UNC13B: variants seen among roughly 807,000 people sequenced by gnomAD.
The protein encoded by UNC13B is protein unc-13 homolog B.
In UNC13B, 144 loss-of-function variants were observed where a neutral mutation model predicts 211.0. That is an observed-to-expected ratio of 0.68 (90% CI 0.60 to 0.78). The LOEUF (loss-of-function observed/expected upper bound fraction) is 0.78. Among genes scored for constraint, UNC13B ranks in the 30% least tolerant of loss-of-function variants. The pLI is 0.00. For missense variants in UNC13B, 1,777 were observed against 2,002.0 expected (o/e 0.89, Z 2.14); for synonymous variants, 709 against 725.8 (o/e 0.98, Z 0.37).
At chr9:35,245,506 C>T (rs1240193449) in intron 6 of UNC13B, among the ~76,000 whole-genome samples, 1 of 125,716 alleles carries the variant, frequency 8.0e-6, no homozygotes, top group African/African-American at 2.9e-5. Flanking sequence ...CCCCTCCCCC[C>T]ACCCCACAAC....
chr9:35,171,556 C>T (rs1232343184), intron 1 of UNC13B, among the ~76,000 whole-genome samples: 2 of 152,112 alleles, frequency 1.3e-5, no homozygotes, highest in Non-Finnish European at 2.9e-5. Flanking sequence ...CATGTGCCAC[C>T]ACACCTGGCT....
In UNC13B at chr9:35,306,571, A is replaced by G. The variant is rs1829932959; in HGVS notation, c.7167A>G (p.Leu2389=). The G allele has an allele frequency of 2.5e-6, 1 of 398,900 alleles. No homozygotes were observed. The highest frequency in any genetic ancestry group is 1.3e-4 in the South Asian group (1 of 7,854). The allele number at this position is 398,900 out of a possible 1,614,324, so 24.7% of individuals were successfully genotyped here. A position where few individuals can be genotyped will look rare whatever the true frequency, so the allele number is the denominator to read the frequency against. Residue 2389 remains leucine (L), a synonymous_variant, in exon 9 of 40, where the codon TTA becomes TTG. Coordinates refer to ENST00000635942, the MANE Select transcript of UNC13B (RefSeq NM_001371189.2). The part of the protein sequence containing the change: ...AKQLIEKFND[L]DTCTNCHQNE... ...AGTTAATTGAAAAATTCAATGATTT[A>G]GACACTTGTACTAACTGCCACCAAA...
chr9:35,265,872 C>A (rs758831145), intron 7 of UNC13B, among the ~76,000 whole-genome samples: 7 of 152,170 alleles, frequency 4.6e-5, no homozygotes, highest in Admixed American at 1.3e-4. Flanking sequence ...GTCACCCAGA[C>A]TGGAGTGCAG....
At chr9:35,167,587 T>A (rs1282977879) in intron 1 of UNC13B, among the ~76,000 whole-genome samples, 2 of 60,946 alleles carry the variant, frequency 3.3e-5, no homozygotes, top group Non-Finnish European at 8.8e-5. Context: ...TCTTTGTAGG[T>A]TTTTTTTTTT....
At chr9:35,277,349 C>A (rs537657363) in intron 7 of UNC13B, among the ~76,000 whole-genome samples, 3 of 152,222 alleles carry the variant, frequency 2.0e-5, no homozygotes, top group Admixed American at 2.0e-4. Flanking sequence ...CATATTCAGG[C>A]GATTGAGACA....
At chr9:35,254,532 G>T (rs563570337) in intron 6 of UNC13B, among the ~76,000 whole-genome samples, 6 of 152,200 alleles carry the variant, frequency 3.9e-5, no homozygotes, top group African/African-American at 1.2e-4. Context: ...TGGGGGCAGG[G>T]GTGGTGGGAT....
Position 35,305,996 on chromosome 9 carries a change from A to G in UNC13B, c.6592A>G (p.Thr2198Ala). The change falls in exon 9 of 40, where the codon ACT (threonine) becomes GCT (alanine). Residue 2198 changes from threonine to alanine, a missense_variant. Coordinates refer to ENST00000635942, the MANE Select transcript of UNC13B (RefSeq NM_001371189.2). ...GLFTLPSFFS[T>A]ASSSIKKDAS... ...ATTCACACTTCCTTCATTTTTTTCC[A>G]CTGCTAGCTCAAGCATTAAGAAGGA... is the stretch of plus-strand genomic sequence containing the variant. 1 of 398,988 alleles carries G rather than the reference A, an allele frequency of 2.5e-6. No homozygotes were observed. The highest frequency in any genetic ancestry group is 4.4e-6 in the Non-Finnish European group (1 of 226,038). 24.7% of individuals were successfully genotyped at this position (398,988 alleles called of 1,614,324 possible).
chr9:35,280,940 T>C (rs1170694396), intron 7 of UNC13B, among the ~76,000 whole-genome samples: 1 of 152,194 alleles, frequency 6.6e-6, no homozygotes, highest in Non-Finnish European at 1.5e-5. Context: ...GTGTGTTGTA[T>C]ATGCATAAAG....
chr9:35,363,793 T>C lies in UNC13B; in HGVS notation c.9415-3154T>C, dbSNP rs376106959. ...GCTTTATTTTTATCCTGTTATGGCTTGATCGGGCCCTTCTGGAAGTGTCAG... is the reference window on the plus strand; with the variant it reads ...GCTTTATTTTTATCCTGTTATGGCTCGATCGGGCCCTTCTGGAAGTGTCAG... On this transcript the variant is annotated intron_variant, in intron 11 of 39. Coordinates refer to ENST00000635942, the MANE Select transcript of UNC13B (RefSeq NM_001371189.2). Among the ~76,000 whole-genome samples the C allele has an allele frequency of 6.4e-4, 97 of 152,362 alleles. 1 individual carries two copies. The South Asian group carries it at 0.016, about 24-fold the overall frequency.
rs773253833 is a variant in UNC13B, at chr9:35,403,621, C to G, written c.12737+22C>G. ...ACTTGTAAGTTACGGGGGGGACATA[C>G]AGGACTCTGGGATGGGGGTAAGACT... On this transcript the variant is annotated intron_variant, in intron 39 of 39. Coordinates refer to ENST00000635942, the MANE Select transcript of UNC13B (RefSeq NM_001371189.2). 10 of 1,558,052 alleles carry G rather than the reference C, an allele frequency of 6.4e-6. No individual in the cohort carries two copies. The South Asian group carries it at 7.9e-5, about 12-fold the overall frequency.
chr9:35,225,688 A>G (rs1025003611), intron 1 of UNC13B, among the ~76,000 whole-genome samples: 2 of 151,946 alleles, frequency 1.3e-5, no homozygotes, highest in African/African-American at 2.4e-5. Flanking sequence ...GGTGTAGGCT[A>G]TAATTGTTGG....
rs571771261 is a variant in UNC13B, at chr9:35,206,889, A to C, written c.23-21126A>C. ...CTCCATCTCAAAAAAAAAAAAAAAA[A>C]ACACACACACAAAAACTCTAGTGTA... On this transcript the variant is annotated intron_variant, in intron 1 of 39. Transcript: ENST00000635942. 5.1e-3 allele frequency among the ~76,000 whole-genome samples: 767 copies of C among 151,036 alleles called. 4 individuals are homozygous for C. The highest frequency in any genetic ancestry group is 0.029 in the South Asian group (136 of 4,762).
At chr9:35,229,229 G>A (rs952082277) in intron 2 of UNC13B, among the ~76,000 whole-genome samples, 11 of 152,200 alleles carry the variant, frequency 7.2e-5, no homozygotes, top group African/African-American at 2.4e-4. Flanking sequence ...AGGGGAGCTG[G>A]AGGGTTACTG....
chr9:35,221,948 T>C, intron 1 of UNC13B, among the ~76,000 whole-genome samples: 1 of 152,254 alleles, frequency 6.6e-6, no homozygotes, highest in East Asian at 1.9e-4. Context: ...GGCAATTTTG[T>C]TGAAAATCAG....
At chr9:35,162,353 C>T in intron 1 of UNC13B, 48 bp downstream of exon 1, 1 of 1,502,136 alleles carries the variant, frequency 6.7e-7, no homozygotes. Context: ...GCGTAGAGGT[C>T]CCCGCACCCT....
chr9:35,381,444 G>T (rs1373569464), intron 19 of UNC13B, 112 bp from the exon 20 acceptor site: 2 of 1,331,138 alleles, frequency 1.5e-6, no homozygotes, highest in Non-Finnish European at 1.0e-6. Context: ...TGACTGGAAG[G>T]ACAGAATTTC....
intron 37 of UNC13B, among the ~76,000 whole-genome samples, chr9:35,401,394 A>C (rs1488841128): frequency 6.6e-6 from 1 of 152,196 alleles, no homozygotes; most frequent in Non-Finnish European, 1.5e-5. Context: ...ATAGAGAGCA[A>C]AAGAAGAGCT....
chr9:35,254,947 TG>T lies in UNC13B; in HGVS notation c.469-4045del, dbSNP rs201787112. ...ATATAATATAATATATATTAATATA[TG>T]TATATAATATAATATATTATATTAT... is the stretch of plus-strand genomic sequence containing the variant. On this transcript the variant is annotated intron_variant, in intron 6 of 39. Transcript: ENST00000635942. Among the ~76,000 whole-genome samples the T allele has an allele frequency of 4.6e-3, 551 of 120,910 alleles. 9 individuals carry two copies. In the East Asian group the frequency reaches 0.066, roughly 15 times the overall value. 79.3% of individuals were successfully genotyped at this position (120,910 alleles called of 152,430 possible).
In UNC13B at chr9:35,300,961, C is replaced by T; in HGVS notation, c.1557C>T (p.Asp519=). The change falls in exon 9 of 40, where the codon GAC becomes GAT. Residue 519 remains aspartate, a synonymous_variant. Transcript: ENST00000635942. ...QIPPLTIVKN[D]KDTAISFPEL... ...CACCTTTAACTATTGTCAAGAATGA[C>T]AAGGACACGGCCATCTCTTTCCCTG... The T allele has an allele frequency of 2.5e-6, 1 of 398,958 alleles. No individual in the cohort carries two copies. Among genetic ancestry groups the T allele is most frequent in the Non-Finnish European group, 4.4e-6 (1 of 226,008 alleles). The allele number at this position is 398,958 out of a possible 1,614,324, so 24.7% of individuals were successfully genotyped here.
Sources: allele counts gnomAD v4.1 joint callset (sites outside exome capture counted in the v4.1 genomes callset), GRCh38; gene constraint gnomAD v4.1.1; transcripts MANE v1.5; gene names NCBI Gene and HGNC (gene_info 2026-07-23, HGNC 2026-07-21).